IGF1R: variants seen among roughly 807,000 people sequenced by gnomAD.
IGF1R encodes insulin like growth factor 1 receptor, also known as insulin-like growth factor 1 receptor.
IGF1R carries 44 observed loss-of-function variants against 144.6 expected under a neutral mutation model. The observed-to-expected ratio is 0.30, with a 90% CI of 0.24 to 0.39. The LOEUF (loss-of-function observed/expected upper bound fraction) is 0.39, where lower values mean the gene tolerates loss of function less well. IGF1R is among the 10% of genes least tolerant of loss of function. IGF1R has a pLI of 1.00. For missense variants in IGF1R, 1,355 were observed against 1,833.7 expected (o/e 0.74, Z 4.77); for synonymous variants, 795 against 722.8 (o/e 1.10, Z -1.60).
chr15:98,891,299 T>C lies in IGF1R; in HGVS notation c.641-26T>C. ...GCGGTGCCTCCCCTGCCCGGTCTCATCTCCGTCTCTCCTCTCTCTCCACAG... is the reference window on the plus strand; with the variant it reads ...GCGGTGCCTCCCCTGCCCGGTCTCACCTCCGTCTCTCCTCTCTCTCCACAG... On this transcript the variant is annotated intron_variant, in intron 2 of 20. Coordinates refer to ENST00000650285, the MANE Select transcript of IGF1R (RefSeq NM_000875.5). This position sits in a 1 kb window ranked among gnomAD's most constrained non-coding sequence, Gnocchi z 4.7. 2 of 1,601,840 alleles carry C rather than the reference T, an allele frequency of 1.2e-6. No homozygotes were observed. Among genetic ancestry groups the C allele is most frequent in the Non-Finnish European group, 1.7e-6 (2 of 1,179,358 alleles).
At chr15:98,948,821 C>T in intron 20 of IGF1R, 113 bp downstream of exon 20, 3 of 1,242,186 alleles carry the variant, frequency 2.4e-6, no homozygotes, top group Non-Finnish European at 3.5e-6. Context: ...CCTGCGCCTC[C>T]CTTGCCAGGC....
In IGF1R at chr15:98,766,677, T is replaced by A. The variant is rs45558432; in HGVS notation, c.640+58570T>A. Among the ~76,000 whole-genome samples the A allele has an allele frequency of 2.6e-5, 4 of 152,318 alleles. No homozygotes were observed. The East Asian group carries it at 7.7e-4, about 29-fold the overall frequency. On this transcript the variant is annotated intron_variant, in intron 2 of 20. Transcript: ENST00000650285. Reference sequence around the variant, plus strand: ...TTTTAGTCCTTTTGTAAAAACTTGATAATGTTAACCTCTGCCAAAGTTGAT... The same window carrying A: ...TTTTAGTCCTTTTGTAAAAACTTGAAAATGTTAACCTCTGCCAAAGTTGAT...
intron 2 of IGF1R, among the ~76,000 whole-genome samples, chr15:98,825,728 A>G (rs2056883230): frequency 6.6e-6 from 1 of 152,250 alleles, no homozygotes; most frequent in Admixed American, 6.5e-5. Flanking sequence ...TAGATTACTT[A>G]TAACACCTAA....
chr15:98,888,863 C>T (rs148629388), intron 2 of IGF1R, among the ~76,000 whole-genome samples: 1 of 152,188 alleles, frequency 6.6e-6, no homozygotes, highest in South Asian at 2.1e-4. Context: ...CCTAGCGGCC[C>T]CACTCTCATA....
intron 2 of IGF1R, among the ~76,000 whole-genome samples, chr15:98,767,111 T>A (rs1313091923): frequency 1.3e-5 from 2 of 152,240 alleles, no homozygotes; most frequent in Non-Finnish European, 2.9e-5. Context: ...ATTCATTTAT[T>A]TTTTTCCATC....
chr15:98,795,332 TG>T (rs1187734584), intron 2 of IGF1R, among the ~76,000 whole-genome samples: 1 of 152,234 alleles, frequency 6.6e-6, no homozygotes, highest in Non-Finnish European at 1.5e-5. Flanking sequence ...CACATTGACA[TG>T]TATCAGTAAG....
Position 98,866,106 on chromosome 15 carries a change from A to G in IGF1R, c.641-25219A>G, listed in dbSNP as rs138959251. On this transcript the variant is annotated intron_variant, in intron 2 of 20. Coordinates refer to ENST00000650285, the MANE Select transcript of IGF1R (RefSeq NM_000875.5). ...TGCAAAAGAAAAATTAACATAGGATACGTGCGGGCGTTCTCAGTTGAACTC... is the reference window on the plus strand; with the variant it reads ...TGCAAAAGAAAAATTAACATAGGATGCGTGCGGGCGTTCTCAGTTGAACTC... 4.7e-3 allele frequency among the ~76,000 whole-genome samples: 721 copies of G among 152,330 alleles called. 5 individuals are homozygous for G. Among genetic ancestry groups the G allele is most frequent in the African/African-American group, 0.016 (675 of 41,558 alleles).
At chr15:98,888,233 A>G (rs2013734626) in intron 2 of IGF1R, among the ~76,000 whole-genome samples, 1 of 152,264 alleles carries the variant, frequency 6.6e-6, no homozygotes, top group Admixed American at 6.5e-5. Context: ...TCTGGCACAC[A>G]GGTGCAGCAC....
At chr15:98,699,210 G>T (rs558732858) in intron 1 of IGF1R, among the ~76,000 whole-genome samples, 1 of 152,210 alleles carries the variant, frequency 6.6e-6, no homozygotes, top group East Asian at 1.9e-4. Context: ...TCTGTCCTTC[G>T]GAGGTTTAGG....
chr15:98,724,296 G>A (rs1028640403), intron 2 of IGF1R, among the ~76,000 whole-genome samples: 25 of 152,186 alleles, frequency 1.6e-4, no homozygotes, highest in African/African-American at 6.0e-4. Context: ...TTGTGTTAAA[G>A]TTTAGGTGTG....
At chr15:98,942,057 G>C (rs1187298105) in intron 18 of IGF1R, among the ~76,000 whole-genome samples, 1 of 152,184 alleles carries the variant, frequency 6.6e-6, no homozygotes, top group Non-Finnish European at 1.5e-5. Flanking sequence ...ACAGTATTGA[G>C]TAATAGCTTC....
At chr15:98,694,899 T>C (rs1018803511) in intron 1 of IGF1R, among the ~76,000 whole-genome samples, 3 of 152,136 alleles carry the variant, frequency 2.0e-5, no homozygotes, top group African/African-American at 7.2e-5. Context: ...AGTGTGGAGA[T>C]AACGAAGGGA....
In IGF1R at chr15:98,784,715, T is replaced by TA. The variant is rs201138098; in HGVS notation, c.640+76617dup. Among the ~76,000 whole-genome samples, 680 of 151,372 alleles carry TA rather than the reference T, an allele frequency of 4.5e-3. 4 individuals are homozygous for TA. The highest frequency in any genetic ancestry group is 0.017 in the East Asian group (86 of 5,144). ...TAAGAATATTTGGGGGGAAAAACAG[T>TA]AAAAAAAAATTACAATACAACAATA... On this transcript the variant is annotated intron_variant, in intron 2 of 20. Transcript: ENST00000650285.
rs536011813 is a variant in IGF1R at position 98,734,734 on chromosome 15, T to C, written c.640+26627T>C. 3.3e-5 allele frequency: 5 copies of C among 152,372 alleles called. No homozygotes were observed. The East Asian group carries it at 9.6e-4, about 29-fold the overall frequency. 9.4% of individuals were successfully genotyped at this position (152,372 alleles called of 1,614,324 possible). A position where few individuals can be genotyped will look rare whatever the true frequency, so the allele number is the denominator to read the frequency against. ...TAACCTTTGGAGGCTTCCCTGAGTT[T>C]GGAGAACTGAATTCATGTGGTGACT... On this transcript the variant is annotated intron_variant, in intron 2 of 20. Transcript: ENST00000650285.
chr15:98,864,666 G>A (rs1051344181), intron 2 of IGF1R, among the ~76,000 whole-genome samples: 5 of 152,170 alleles, frequency 3.3e-5, no homozygotes, highest in East Asian at 1.9e-4. Context: ...GATTACAGGC[G>A]GGAGCCACAG....
chr15:98,661,054 C>T (rs1183423193), intron 1 of IGF1R, among the ~76,000 whole-genome samples: 2 of 152,072 alleles, frequency 1.3e-5, no homozygotes, highest in African/African-American at 4.8e-5. Flanking sequence ...GCCCTTCCAG[C>T]CTTCAGATCT....
intron 2 of IGF1R, among the ~76,000 whole-genome samples, chr15:98,812,681 C>G (rs920156197): frequency 8.5e-5 from 13 of 152,080 alleles, no homozygotes; most frequent in Non-Finnish European, 1.6e-4. Context: ...AAAACTTCGT[C>G]GTATAATATT....
At chr15:98,885,927 C>T (rs2013619474) in intron 2 of IGF1R, among the ~76,000 whole-genome samples, 1 of 151,828 alleles carries the variant, frequency 6.6e-6, no homozygotes, top group Non-Finnish European at 1.5e-5. Flanking sequence ...AACGATTCTC[C>T]TGCCTCAGCC....
chr15:98,779,742 G>A (rs921284376), intron 2 of IGF1R, among the ~76,000 whole-genome samples: 2 of 152,190 alleles, frequency 1.3e-5, no homozygotes, highest in Middle Eastern at 3.2e-3. Flanking sequence ...GCGGGGAGCC[G>A]AGTCCGAGGC....
Sources: gnomAD v4.1 joint callset for allele counts (sites outside exome capture counted in the v4.1 genomes callset) on GRCh38, gnomAD v4.1.1 for gene constraint, Gnocchi (gnomAD v3.1) non-coding constraint, MANE v1.5 for transcripts, NCBI Gene and HGNC (gene_info 2026-07-23, HGNC 2026-07-21) for gene names.